CSMD2: variants seen among roughly 807,000 people sequenced by gnomAD.
CSMD2 encodes CUB and sushi domain-containing protein 2.
A neutral mutation model predicts 398.5 loss-of-function variants in CSMD2; 130 were observed. The ratio of observed to expected loss-of-function variants is 0.33; its 90% CI spans 0.28 to 0.38. The LOEUF is 0.38. Ranked by LOEUF, CSMD2 falls within the 10% of genes least tolerant of loss-of-function variation. The pLI is 1.00. For missense variants in CSMD2, 3,829 were observed against 4,764.9 expected (o/e 0.80, Z 5.78); for synonymous variants, 1,828 against 1,908.5 (o/e 0.96, Z 1.10).
chr1:33,520,587 G>T (rs938790615), intron 68 of CSMD2, among the ~76,000 whole-genome samples: 3 of 152,228 alleles, frequency 2.0e-5, no homozygotes, highest in African/African-American at 7.2e-5. Flanking sequence ...TAGGTGAAGG[G>T]TGCTGTGTGG....
intron 25 of CSMD2, among the ~76,000 whole-genome samples, chr1:33,684,733 C>T (rs1211683122): frequency 2.6e-5 from 4 of 152,186 alleles, no homozygotes; most frequent in Admixed American, 6.5e-5. Flanking sequence ...TCACCTCCAC[C>T]CTGCATGGTG....
intron 1 of CSMD2, among the ~76,000 whole-genome samples, chr1:34,106,714 T>G (rs1558397491): frequency 6.6e-6 from 1 of 152,106 alleles, no homozygotes; most frequent in Non-Finnish European, 1.5e-5. Context: ...TCCTTTTTCC[T>G]CTCAAGCTGG....
chr1:33,813,092 A>G (rs1252706748), intron 9 of CSMD2: 1 of 152,134 alleles, frequency 6.6e-6, no homozygotes, highest in Non-Finnish European at 1.5e-5. Flanking sequence ...GGAAAGTCAG[A>G]TTTTGCTGCC....
chr1:33,558,782 C>T (rs919678344), intron 54 of CSMD2, among the ~76,000 whole-genome samples: 1 of 151,990 alleles, frequency 6.6e-6, no homozygotes, highest in African/African-American at 2.4e-5. Flanking sequence ...TCCCCCAGCC[C>T]TCACCCCCTT....
rs772322329 is a variant in CSMD2 at position 33,583,660 on chromosome 1, C to T, written c.7222G>A (p.Glu2408Lys). 1.3e-5 allele frequency: 21 copies of T among 1,613,948 alleles called. No homozygotes were observed. In the African/African-American group the frequency reaches 1.9e-4, roughly 14 times the overall value. ...GACTTACCATCAAAAATCTCAAACT[C>T]ATCATATTGCTTCTCGCTGAGGAAG... Reference protein sequence around the residue: ...EYFLSEKQYDEFEIFDGPSGQ... With the variant: ...EYFLSEKQYDKFEIFDGPSGQ... Residue 2408 changes from glutamate (E) to lysine (K), a missense_variant, in exon 47 of 71, where the codon GAG becomes AAG. Physicochemically the swap from Glu to Lys is moderately conservative, Grantham distance 56 (BLOSUM62 1). Around this residue, in one of 5 missense-constraint regions of CSMD2, gnomAD observed 723 missense variants for 758.6 expected, o/e 0.95. Coordinates refer to ENST00000373381, the MANE Select transcript of CSMD2 (RefSeq NM_001281956.2).
chr1:33,690,297 T>C (rs1645194049), intron 25 of CSMD2, among the ~76,000 whole-genome samples: 1 of 151,980 alleles, frequency 6.6e-6, no homozygotes, highest in African/African-American at 2.4e-5. Flanking sequence ...CCCATTACCC[T>C]CCCACCCACC....
At chr1:33,950,210 C>T (rs1644960008) in intron 3 of CSMD2, among the ~76,000 whole-genome samples, 1 of 152,174 alleles carries the variant, frequency 6.6e-6, no homozygotes, top group African/African-American at 2.4e-5. Flanking sequence ...CTCTAAACAA[C>T]TAGTAGGATC....
chr1:33,680,148 CTTTTT>C (rs34735969), intron 25 of CSMD2, among the ~76,000 whole-genome samples: 17 of 88,534 alleles, frequency 1.9e-4, no homozygotes, highest in Non-Finnish European at 3.6e-4. Flanking sequence ...ATGGCCTCGC[CTTTTT>C]TTTTTTTTTT....
At chr1:33,774,832 C>G (rs927839162) in intron 12 of CSMD2, among the ~76,000 whole-genome samples, 2 of 152,214 alleles carry the variant, frequency 1.3e-5, no homozygotes, top group Non-Finnish European at 2.9e-5. Flanking sequence ...ATGCCCACAT[C>G]CACCCACCCA....
At chr1:33,701,462 T>A (rs1476549750) in intron 22 of CSMD2, among the ~76,000 whole-genome samples, 2 of 152,216 alleles carry the variant, frequency 1.3e-5, no homozygotes. Flanking sequence ...ACAGAAGTTG[T>A]GATTGAGTGA....
intron 47 of CSMD2, among the ~76,000 whole-genome samples, chr1:33,581,475 A>G (rs1638709597): frequency 7.2e-6 from 1 of 139,428 alleles, no homozygotes; most frequent in Non-Finnish European, 1.5e-5. Context: ...GGAGGTGGTG[A>G]GCCAAGATCG....
chr1:33,534,950 C>T (rs940366378), intron 62 of CSMD2, among the ~76,000 whole-genome samples: 2 of 152,180 alleles, frequency 1.3e-5, no homozygotes, highest in Non-Finnish European at 2.9e-5. Flanking sequence ...ACAGTGTCCT[C>T]CTTGCCTAAG....
chr1:34,160,153 C>G (rs1417235579), intron 1 of CSMD2, among the ~76,000 whole-genome samples: 23 of 152,150 alleles, frequency 1.5e-4, no homozygotes, highest in Admixed American at 1.4e-3. Context: ...GAAACCCAAA[C>G]CAGGCAGTGT....
chr1:33,961,707 G>C (rs12063356), intron 3 of CSMD2, among the ~76,000 whole-genome samples: 2 of 152,034 alleles, frequency 1.3e-5, no homozygotes, highest in Non-Finnish European at 2.9e-5. Flanking sequence ...ATGAGTTCAC[G>C]CAGTTGATCG....
chr1:33,697,245 C>T lies in CSMD2; in HGVS notation c.3925+1508G>A, dbSNP rs533396916. On this transcript the variant is annotated intron_variant, in intron 24 of 70. Coordinates refer to ENST00000373381, the MANE Select transcript of CSMD2 (RefSeq NM_001281956.2). Reference sequence around the variant, plus strand: ...TGGCTTGCTTGTCTGTGGCATTATACGGTTGTGTGTTTATGCAAGCATCAC... The same window carrying T: ...TGGCTTGCTTGTCTGTGGCATTATATGGTTGTGTGTTTATGCAAGCATCAC... Among the ~76,000 whole-genome samples, 26 of 152,250 alleles carry T rather than the reference C, an allele frequency of 1.7e-4. 1 individual carries two copies. Among genetic ancestry groups the T allele is most frequent in the Admixed American group, 1.0e-3 (16 of 15,290 alleles).
Position 34,054,181 on chromosome 1 carries a change from T to C in CSMD2, c.405-21475A>G, listed in dbSNP as rs188359272. On this transcript the variant is annotated intron_variant, in intron 2 of 70. Coordinates refer to ENST00000373381, the MANE Select transcript of CSMD2 (RefSeq NM_001281956.2). ...TGGATTTTGCCTGTTTTTCCACAAA[T>C]GTCCTTCTTCTCTTCCGAGATCCAA... Among the ~76,000 whole-genome samples the C allele has an allele frequency of 1.2e-3, 185 of 151,178 alleles. 2 individuals carry two copies. Among genetic ancestry groups the C allele is most frequent in the Admixed American group, 9.7e-3 (148 of 15,238 alleles).
rs181669459 is a variant in CSMD2 at position 33,538,284 on chromosome 1, G to T, written c.9632-675C>A. On this transcript the variant is annotated intron_variant, in intron 60 of 70. Coordinates refer to ENST00000373381, the MANE Select transcript of CSMD2 (RefSeq NM_001281956.2). ...CTGAACACATCCACAGCTCTTGATG[G>T]GTAGTGTCAAATGTCTTTCCCCAAA... Among the ~76,000 whole-genome samples the T allele has an allele frequency of 3.2e-3, 492 of 152,218 alleles. 6 individuals carry two copies. Among genetic ancestry groups the T allele is most frequent in the Non-Finnish European group, 2.5e-3 (171 of 68,006 alleles).
intron 39 of CSMD2, 81 bp from the exon 40 acceptor site, chr1:33,614,701 C>T: frequency 1.3e-6 from 1 of 754,756 alleles, no homozygotes. Context: ...AAGCTCCCTT[C>T]AAGCAGCAGT....
intron 5 of CSMD2, among the ~76,000 whole-genome samples, chr1:33,913,149 G>C (rs1643548261): frequency 6.6e-6 from 1 of 152,150 alleles, no homozygotes; most frequent in African/African-American, 2.4e-5. Context: ...GGCCAGTGTG[G>C]GGCTAGATCC....
Sources: gnomAD v4.1 joint callset for allele counts (sites outside exome capture counted in the v4.1 genomes callset) on GRCh38, gnomAD v4.1.1 for gene constraint, gnomAD v4.1.1 regional missense constraint, MANE v1.5 for transcripts, NCBI Gene and HGNC (gene_info 2026-07-23, HGNC 2026-07-21) for gene names.